SEL1L2: variants seen among roughly 807,000 people sequenced by gnomAD.
The protein encoded by SEL1L2 is SEL1L2 adaptor subunit of SYVN1 ubiquitin ligase, also known as protein sel-1 homolog 2.
A neutral mutation model predicts 98.8 loss-of-function variants in SEL1L2; 89 were observed. The observed-to-expected ratio is 0.90, with a 90% CI of 0.76 to 1.07. The LOEUF (loss-of-function observed/expected upper bound fraction) is 1.07. Ranked by LOEUF, SEL1L2 falls within the 50% of genes least tolerant of loss-of-function variation. The probability of loss-of-function intolerance (pLI) is 0.00; values close to 1 mark genes in which losing one functional copy is unlikely to be tolerated. For missense variants in SEL1L2, 788 were observed against 812.0 expected (o/e 0.97, Z 0.36); for synonymous variants, 262 against 278.5 (o/e 0.94, Z 0.59).
intron 2 of SEL1L2, among the ~76,000 whole-genome samples, chr20:13,933,770 G>A (rs1568996374): frequency 6.6e-6 from 1 of 152,128 alleles, no homozygotes; most frequent in Admixed American, 6.6e-5. Flanking sequence ...ACTATGTGGA[G>A]AAAAGGTTTC....
chr20:13,856,054 C>G (rs1381191901), intron 18 of SEL1L2, among the ~76,000 whole-genome samples: 1 of 152,120 alleles, frequency 6.6e-6, no homozygotes, highest in African/African-American at 2.4e-5. Context: ...AAAGGATGGC[C>G]AGGAGGGGAT....
At chr20:13,861,099 T>C (rs911121948) in intron 17 of SEL1L2, among the ~76,000 whole-genome samples, 18 of 152,200 alleles carry the variant, frequency 1.2e-4, no homozygotes, top group African/African-American at 3.9e-4. Context: ...AATACTACAA[T>C]AGGCTTCAAA....
intron 17 of SEL1L2, among the ~76,000 whole-genome samples, chr20:13,861,045 A>G (rs1306324109): frequency 1.3e-5 from 2 of 152,146 alleles, no homozygotes. Flanking sequence ...CCTCTAAAAC[A>G]CGCTTAACTC....
intron 1 of SEL1L2, among the ~76,000 whole-genome samples, chr20:13,977,195 T>C (rs78949492): frequency 0.023 from 3,514 of 152,162 alleles, 52 homozygotes; most frequent in Non-Finnish European, 0.038. Flanking sequence ...GTATGAGATA[T>C]AGACACACAT....
intron 4 of SEL1L2, 88 bp from the exon 5 acceptor site, chr20:13,914,032 A>C: frequency 8.8e-7 from 1 of 1,142,826 alleles, no homozygotes; most frequent in Non-Finnish European, 1.2e-6. Flanking sequence ...CTTCTCTCTA[A>C]CAAGCAGGAA....
intron 1 of SEL1L2, among the ~76,000 whole-genome samples, chr20:13,963,025 C>T (rs2050849806): frequency 6.7e-6 from 1 of 149,916 alleles, no homozygotes; most frequent in Admixed American, 6.7e-5. Flanking sequence ...AAGATCACGC[C>T]ACTGCACTCC....
intron 2 of SEL1L2, among the ~76,000 whole-genome samples, chr20:13,932,729 C>G (rs1199067401): frequency 6.6e-6 from 1 of 152,140 alleles, no homozygotes; most frequent in Non-Finnish European, 1.5e-5. Flanking sequence ...CCACACCCGG[C>G]CCTTTTTGTG....
At chr20:13,875,696 C>T (rs74179722) in intron 12 of SEL1L2, among the ~76,000 whole-genome samples, 2,930 of 152,280 alleles carry the variant, frequency 0.019, 28 homozygotes, top group Non-Finnish European at 0.03. Context: ...ATTTTCCCTT[C>T]CTCTGTCCTC....
At chr20:13,950,298 A>C (rs928744702) in intron 2 of SEL1L2, among the ~76,000 whole-genome samples, 1 of 152,196 alleles carries the variant, frequency 6.6e-6, no homozygotes, top group African/African-American at 2.4e-5. Flanking sequence ...CTGTACATTT[A>C]AAAATTGTTA....
chr20:13,876,155 A>G, intron 11 of SEL1L2, 40 bp from the exon 12 acceptor site: 1 of 1,383,030 alleles, frequency 7.2e-7, no homozygotes, highest in Non-Finnish European at 1.0e-6. Flanking sequence ...AAAACAAAAT[A>G]ATTTGAGAGT....
intron 12 of SEL1L2, among the ~76,000 whole-genome samples, chr20:13,872,947 A>G (rs1354570378): frequency 6.6e-6 from 1 of 151,500 alleles, no homozygotes; most frequent in African/African-American, 2.4e-5. Context: ...TTGGTGCCAC[A>G]TGGAATGGCA....
At chr20:13,908,404 G>A (rs1341771665) in intron 5 of SEL1L2, among the ~76,000 whole-genome samples, 4 of 152,214 alleles carry the variant, frequency 2.6e-5, no homozygotes, top group South Asian at 4.2e-4. Context: ...GATCATAGGC[G>A]TCAGCCACCG....
At chr20:13,924,489 G>T (rs1269244555) in intron 3 of SEL1L2, among the ~76,000 whole-genome samples, 2 of 151,510 alleles carry the variant, frequency 1.3e-5, no homozygotes, top group Non-Finnish European at 1.5e-5. Context: ...GCAGTGGTGT[G>T]ACCATAGCCC....
chr20:13,995,282 C>A, upstream of SEL1L2: 1 of 234,824 alleles, frequency 4.3e-6, no homozygotes, highest in South Asian at 4.8e-5. The surrounding 1 kb of genome is among the most constrained non-coding windows in gnomAD (Gnocchi z 4.3). Context: ...CCAGCCCCCT[C>A]GCTCCCTGGC....
intron 18 of SEL1L2, among the ~76,000 whole-genome samples, chr20:13,852,823 C>T (rs1158207601): frequency 2.0e-5 from 3 of 152,168 alleles, no homozygotes; most frequent in Admixed American, 2.0e-4. Flanking sequence ...TTGCCCGATG[C>T]AGGAGTTTTC....
intron 5 of SEL1L2, among the ~76,000 whole-genome samples, chr20:13,911,225 G>C (rs143873881): frequency 6.6e-6 from 1 of 152,302 alleles, no homozygotes; most frequent in Non-Finnish European, 1.5e-5. Flanking sequence ...TGACCTAGGA[G>C]GACTCTGTCC....
chr20:13,940,430 A>ATTTCCC (rs2049707590), intron 2 of SEL1L2, among the ~76,000 whole-genome samples: 2 of 152,246 alleles, frequency 1.3e-5, no homozygotes, highest in African/African-American at 4.8e-5. Flanking sequence ...CAAGTGGCTG[A>ATTTCCC]AGGAGTGTGA....
intron 10 of SEL1L2, 67 bp from the exon 11 acceptor site, chr20:13,877,655 C>A (rs940911188): frequency 2.3e-6 from 3 of 1,298,496 alleles, no homozygotes; most frequent in East Asian, 2.3e-5. Context: ...CTTTTTGAAC[C>A]AAACTTTATT....
chr20:13,913,649 T>C, intron 5 of SEL1L2, 133 bp downstream of exon 5: 2 of 735,926 alleles, frequency 2.7e-6, no homozygotes, highest in Non-Finnish European at 4.0e-6. Context: ...ACTGTTTCAG[T>C]GCATTATGGT....
Sources: gnomAD v4.1 joint callset for allele counts (sites outside exome capture counted in the v4.1 genomes callset) on GRCh38, gnomAD v4.1.1 for gene constraint, Gnocchi (gnomAD v3.1) non-coding constraint, MANE v1.5 for transcripts, NCBI Gene and HGNC (gene_info 2026-07-23, HGNC 2026-07-21) for gene names.